CHCHD6: variants seen among roughly 807,000 people sequenced by gnomAD.
CHCHD6 encodes the protein MICOS complex subunit MIC25.
A neutral mutation model predicts 32.3 loss-of-function variants in CHCHD6; 28 were observed. The observed-to-expected ratio is 0.87, with a 90% CI of 0.64 to 1.19. The LOEUF (loss-of-function observed/expected upper bound fraction) is 1.19, where lower values mean the gene tolerates loss of function less well. Among genes scored for constraint, CHCHD6 ranks in the 50% most tolerant of loss-of-function variants. The pLI is 0.00. For synonymous variants in CHCHD6, 122 were observed against 117.5 expected (o/e 1.04, Z -0.25); for missense variants, 333 against 307.0 (o/e 1.08, Z -0.63).
At chr3:126,943,303 A>G (rs1374540015) in intron 6 of CHCHD6, among the ~76,000 whole-genome samples, 1 of 152,176 alleles carries the variant, frequency 6.6e-6, no homozygotes, top group Admixed American at 6.5e-5. Context: ...AAACAACTCA[A>G]AGTCCTTTCG....
chr3:126,761,592 A>G (rs1366934436), intron 4 of CHCHD6, among the ~76,000 whole-genome samples: 3 of 152,066 alleles, frequency 2.0e-5, no homozygotes, highest in Non-Finnish European at 2.9e-5. Context: ...TGCCTGGCTA[A>G]TTTTTTTATT....
intron 6 of CHCHD6, among the ~76,000 whole-genome samples, chr3:126,956,273 G>A (rs1237332217): frequency 6.6e-6 from 1 of 152,212 alleles, no homozygotes; most frequent in Non-Finnish European, 1.5e-5. Context: ...CGTGAGTGGT[G>A]TTCAATTTGG....
At chr3:126,866,522 A>G (rs979596555) in intron 5 of CHCHD6, among the ~76,000 whole-genome samples, 1 of 152,264 alleles carries the variant, frequency 6.6e-6, no homozygotes, top group Non-Finnish European at 1.5e-5. Flanking sequence ...CAGTTGTCAC[A>G]TGAATGATTT....
intron 4 of CHCHD6, among the ~76,000 whole-genome samples, chr3:126,783,883 C>T (rs1938071067): frequency 6.6e-6 from 1 of 151,990 alleles, no homozygotes; most frequent in Non-Finnish European, 1.5e-5. Context: ...GGATTAAATT[C>T]ATGAGATTGT....
intron 6 of CHCHD6, among the ~76,000 whole-genome samples, chr3:126,950,697 G>A (rs1485954044): frequency 6.6e-6 from 1 of 152,050 alleles, no homozygotes; most frequent in South Asian, 2.1e-4. Flanking sequence ...GTGATCGCCT[G>A]CATCGGCCTC....
At chr3:126,850,611 A>G (rs981035425) in intron 4 of CHCHD6, among the ~76,000 whole-genome samples, 42 of 152,176 alleles carry the variant, frequency 2.8e-4, no homozygotes, top group African/African-American at 1.0e-3. Context: ...TGCTTCACTT[A>G]ACTGTAGAGA....
At chr3:126,766,559 GAGTCTTCAC>G (rs557915711) in intron 4 of CHCHD6, 11 of 1,130,640 alleles carry the variant, frequency 9.7e-6, no homozygotes, top group Non-Finnish European at 1.3e-5. Flanking sequence ...ATGCCATCCA[GAGTCTTCAC>G]CTCCTGGGCT....
At chr3:126,828,172 C>T (rs1940484466) in intron 4 of CHCHD6, among the ~76,000 whole-genome samples, 1 of 152,156 alleles carries the variant, frequency 6.6e-6, no homozygotes, top group East Asian at 1.9e-4. Flanking sequence ...TGTGTTTTCC[C>T]TGGAAATTTC....
Position 126,904,499 on chromosome 3 carries a change from C to A in CHCHD6, c.496-10181C>A, listed in dbSNP as rs554039598. 1.8e-4 allele frequency among the ~76,000 whole-genome samples: 28 copies of A among 152,292 alleles called. 1 individual carries two copies. Among genetic ancestry groups the A allele is most frequent in the South Asian group, 1.0e-3 (5 of 4,828 alleles). On this transcript the variant is annotated intron_variant, in intron 5 of 7. Transcript: ENST00000290913. ...TGTTAAAAAGCCTGTGCGGCTATTG[C>A]TAATTAACACAGCTATACGCTTATC...
At position 126,736,220 on chromosome 3, in the gene CHCHD6, C is replaced by T. The variant is rs929405342; in HGVS notation, c.411+2998C>T. Among the ~76,000 whole-genome samples the T allele has an allele frequency of 4.6e-5, 7 of 152,186 alleles. No homozygotes were observed. In the East Asian group the frequency reaches 5.8e-4, roughly 13 times the overall value. ...TTTTTCTTTCCTCTCCTGCATCTTC[C>T]GCATGGAAAGGTTGAAGGAGGTGGC... is the stretch of plus-strand genomic sequence containing the variant. On this transcript the variant is annotated intron_variant, in intron 4 of 7. Transcript: ENST00000290913.
Position 126,956,487 on chromosome 3 carries a change from G to C in CHCHD6, c.567-929G>C, listed in dbSNP as rs970442295. 3.9e-5 allele frequency among the ~76,000 whole-genome samples: 6 copies of C among 152,354 alleles called. No homozygotes were observed. In the South Asian group the frequency reaches 1.2e-3, roughly 32 times the overall value. ...TGTGTGAACAGCATGATGAACGATA[G>C]TGTCTGCTACCAGAGCTGTAAGGAG... On this transcript the variant is annotated intron_variant, in intron 6 of 7. Coordinates refer to ENST00000290913, the MANE Select transcript of CHCHD6 (RefSeq NM_032343.3).
At chr3:126,708,479 C>T (rs951026232) in intron 1 of CHCHD6, among the ~76,000 whole-genome samples, 16 of 152,042 alleles carry the variant, frequency 1.1e-4, no homozygotes, top group African/African-American at 3.6e-4. Context: ...AGGAGCAGAG[C>T]TTTGGAAAGG....
chr3:126,874,050 G>A (rs368846061), intron 5 of CHCHD6, among the ~76,000 whole-genome samples: 3 of 152,328 alleles, frequency 2.0e-5, no homozygotes, highest in African/African-American at 4.8e-5. Flanking sequence ...GCTCACTGCT[G>A]TAATTACTCT....
intron 4 of CHCHD6, among the ~76,000 whole-genome samples, chr3:126,834,736 T>C (rs771147044): frequency 2.0e-5 from 3 of 152,166 alleles, no homozygotes; most frequent in Non-Finnish European, 4.4e-5. Flanking sequence ...ATATCTGATC[T>C]CCACTTAGAT....
At chr3:126,935,298 C>A in intron 6 of CHCHD6, 1 of 278,476 alleles carries the variant, frequency 3.6e-6, no homozygotes, top group Non-Finnish European at 5.5e-6. Context: ...GGTGTTAAGG[C>A]TGGCCTCATC....
intron 5 of CHCHD6, among the ~76,000 whole-genome samples, chr3:126,900,546 T>A (rs932601707): frequency 6.6e-6 from 1 of 151,482 alleles, no homozygotes; most frequent in South Asian, 2.1e-4. Flanking sequence ...GGGGAGCAGG[T>A]GTCTCACATG....
At position 126,817,936 on chromosome 3, in the gene CHCHD6, G is replaced by GC. The variant is rs529421443; in HGVS notation, c.412-34711_412-34710insC. On this transcript the variant is annotated intron_variant, in intron 4 of 7. Coordinates refer to ENST00000290913, the MANE Select transcript of CHCHD6 (RefSeq NM_032343.3). ...GGGGCTATAGAGTGTGCTGAGGACA[G>GC]TCTGAAAAGCCTAGGTTCAAATCCT... is the stretch of plus-strand genomic sequence containing the variant. Among the ~76,000 whole-genome samples the GC allele has an allele frequency of 9.1e-3, 1,383 of 152,308 alleles. 5 individuals are homozygous for GC. Among genetic ancestry groups the GC allele is most frequent in the Non-Finnish European group, 0.013 (887 of 68,026 alleles).
intron 6 of CHCHD6, among the ~76,000 whole-genome samples, chr3:126,938,603 G>T (rs1165140383): frequency 6.6e-6 from 1 of 152,166 alleles, no homozygotes; most frequent in Non-Finnish European, 1.5e-5. Flanking sequence ...GTGCCAATAA[G>T]GTTTTAAAAT....
intron 5 of CHCHD6, among the ~76,000 whole-genome samples, chr3:126,856,882 T>TG (rs1941683032): frequency 6.6e-6 from 1 of 152,218 alleles, no homozygotes; most frequent in South Asian, 2.1e-4. Flanking sequence ...CTTGTGACCC[T>TG]GAGCATGTCA....
Sources: gnomAD v4.1 joint callset for allele counts (sites outside exome capture counted in the v4.1 genomes callset) on GRCh38, gnomAD v4.1.1 for gene constraint, MANE v1.5 for transcripts, NCBI Gene and HGNC (gene_info 2026-07-23, HGNC 2026-07-21) for gene names.